PRPF6: variants seen among roughly 807,000 people sequenced by gnomAD.
PRPF6 encodes the protein pre-mRNA-processing factor 6.
PRPF6 carries 42 observed loss-of-function variants against 118.3 expected under a neutral mutation model. The observed-to-expected ratio is 0.35, with a 90% CI of 0.28 to 0.46. The LOEUF is 0.46. Among genes scored for constraint, PRPF6 ranks in the 20% least tolerant of loss-of-function variants. PRPF6 has a pLI of 1.00. For synonymous variants in PRPF6, 481 were observed against 485.1 expected (o/e 0.99, Z 0.11); for missense variants, 662 against 1,255.7 (o/e 0.53, Z 7.15).
At chr20:64,007,808 C>G (rs2059197508) in intron 9 of PRPF6, among the ~76,000 whole-genome samples, 1 of 152,022 alleles carries the variant, frequency 6.6e-6, no homozygotes, top group Non-Finnish European at 1.5e-5. Context: ...GTTGGAGTCT[C>G]TCTCTGTCAC....
At chr20:63,983,022 C>T in intron 1 of PRPF6, 25 bp from the exon 2 acceptor site, 1 of 1,612,452 alleles carries the variant, frequency 6.2e-7, no homozygotes, top group East Asian at 2.2e-5. Context: ...ATTCAGACAC[C>T]CGGTGTCTTG....
At chr20:64,002,645 CTTTT>C (rs1231191438) in intron 9 of PRPF6, among the ~76,000 whole-genome samples, 3 of 98,314 alleles carry the variant, frequency 3.1e-5, no homozygotes, top group African/African-American at 7.7e-5. Context: ...CTTTTCTTTT[CTTTT>C]TTTTTTTTTT....
Position 63,995,358 on chromosome 20 carries a change from G to A in PRPF6, c.647G>A (p.Gly216Asp). 1 of 1,613,666 alleles carries A rather than the reference G, an allele frequency of 6.2e-7. No individual in the cohort carries two copies. Among genetic ancestry groups the A allele is most frequent in the Non-Finnish European group, 8.5e-7 (1 of 1,179,832 alleles). The part of the protein sequence containing the change: ...QFGGLNTPYP[G>D]GLNTPYPGGM... Reference sequence around the variant, plus strand: ...GGAGGTCTTAACACACCCTATCCAGGTGGACTAAACACTCCATACCCAGGT... The same window carrying A: ...GGAGGTCTTAACACACCCTATCCAGATGGACTAAACACTCCATACCCAGGT... Residue 216 changes from glycine to aspartate, a missense_variant, in exon 6 of 21, where the codon GGT (glycine) becomes GAT (aspartate). By Grantham distance (94) the Gly-to-Asp change is moderately conservative. This residue lies in a region of PRPF6 where 97 missense variants were observed against 122.6 expected (regional missense o/e 0.79). Transcript: ENST00000266079.
chr20:64,006,657 C>T (rs923487566), intron 9 of PRPF6, among the ~76,000 whole-genome samples: 1 of 152,082 alleles, frequency 6.6e-6, no homozygotes, highest in East Asian at 1.9e-4. Flanking sequence ...TCCAAGGAGG[C>T]GGAGACGGGA....
rs773239629 is a variant in PRPF6 at position 64,032,923 on chromosome 20, T to C, written c.2756T>C (p.Ile919Thr). ...CTGTGGTGCGCCGTGTCCAAGGACA[T>C]CGCCAACTGGCAGAAGAAGATCGGG... ...GELWCAVSKD[I>T]ANWQKKIGDI... The change falls in exon 21 of 21, where the codon ATC becomes ACC. Residue 919 changes from isoleucine (I) to threonine (T), a missense_variant. Physicochemically the swap from Ile to Thr is moderately conservative, Grantham distance 89 (BLOSUM62 -1). Coordinates refer to ENST00000266079, the MANE Select transcript of PRPF6 (RefSeq NM_012469.4). 1.9e-5 allele frequency: 31 copies of C among 1,613,292 alleles called. No homozygotes were observed. In the South Asian group the frequency reaches 2.0e-4, roughly 10 times the overall value.
At chr20:64,025,806 G>T in intron 14 of PRPF6, 133 bp from the exon 15 acceptor site, 1 of 1,527,468 alleles carries the variant, frequency 6.5e-7, no homozygotes, top group Non-Finnish European at 9.0e-7. Flanking sequence ...CCCTGGGAAG[G>T]GCTTGGACCA....
At chr20:64,002,831 A>G (rs185878690) in intron 9 of PRPF6, among the ~76,000 whole-genome samples, 3 of 150,586 alleles carry the variant, frequency 2.0e-5, no homozygotes, top group Admixed American at 2.0e-4. Context: ...TTTAGTAGAG[A>G]CGGGGTTTCA....
Position 63,995,554 on chromosome 20 carries a change from C to CCTT in PRPF6, c.771+84_771+86dup, listed in dbSNP as rs147996986. ...TAATTTTGTTTTGTTTTCTTTTTCT[C>CCTT]CTTCTTCTTCTTCTCCTTTTTCTTC... On this transcript the variant is annotated intron_variant, in intron 6 of 20. Coordinates refer to ENST00000266079, the MANE Select transcript of PRPF6 (RefSeq NM_012469.4). 2,142 of 1,556,548 alleles carry CCTT rather than the reference C, an allele frequency of 1.4e-3. 6 individuals are homozygous for CCTT. The highest frequency in any genetic ancestry group is 1.7e-3 in the Admixed American group (100 of 58,772).
intron 9 of PRPF6, among the ~76,000 whole-genome samples, chr20:64,003,839 C>T (rs1348572308): frequency 6.6e-6 from 1 of 152,154 alleles, no homozygotes; most frequent in African/African-American, 2.4e-5. Context: ...ACCTCATGAT[C>T]CACCCGCCTC....
intron 3 of PRPF6, 34 bp downstream of exon 3, chr20:63,985,059 C>G: frequency 6.3e-7 from 1 of 1,587,470 alleles, no homozygotes. Flanking sequence ...CAATATTTAT[C>G]CAAGTTTAAA....
intron 12 of PRPF6, among the ~76,000 whole-genome samples, chr20:64,021,846 TATGCGTGC>T (rs1259915823): frequency 6.7e-6 from 1 of 150,260 alleles, no homozygotes; most frequent in Non-Finnish European, 1.5e-5. Context: ...TGTGCGTGTG[TATGCGTGC>T]ATGTATGCAT....
In PRPF6 at chr20:63,998,637, C is replaced by T. The variant is rs1008293013; in HGVS notation, c.772-408C>T. On this transcript the variant is annotated intron_variant, in intron 6 of 20. Coordinates refer to ENST00000266079, the MANE Select transcript of PRPF6 (RefSeq NM_012469.4). The stretch of plus-strand genomic sequence containing the variant: ...CGGGCGGATCACGAGGTCAGGAGAT[C>T]GAGACCATCCTGGCTAACACGGTGA... Among the ~76,000 whole-genome samples the T allele has an allele frequency of 4.0e-4, 60 of 148,412 alleles. 1 individual carries two copies. The highest frequency in any genetic ancestry group is 7.1e-4 in the Non-Finnish European group (48 of 67,286).
rs1480847074 is a variant in PRPF6 at position 63,999,593 on chromosome 20, C to T, written c.867-10C>T. On this transcript the variant is annotated splice_polypyrimidine_tract_variant and intron_variant, in intron 7 of 20. Coordinates refer to ENST00000266079, the MANE Select transcript of PRPF6 (RefSeq NM_012469.4). ...ATGGCCTGATGCCGTGTGCACTCTCCCTCTCATAGTGATATCAAGAAGGCG... is the reference window on the plus strand; with the variant it reads ...ATGGCCTGATGCCGTGTGCACTCTCTCTCTCATAGTGATATCAAGAAGGCG... 2 of 1,613,946 alleles carry T rather than the reference C, an allele frequency of 1.2e-6. No individual in the cohort carries two copies. The highest frequency in any genetic ancestry group is 3.3e-5 in the Admixed American group (2 of 60,020).
intron 11 of PRPF6, among the ~76,000 whole-genome samples, chr20:64,015,932 G>A (rs2059235299): frequency 6.6e-6 from 1 of 152,168 alleles, no homozygotes; most frequent in Non-Finnish European, 1.5e-5. Context: ...TTTAACACCA[G>A]CCTAGGCAAC....
At chr20:63,995,282 T>G (rs529628099) in intron 5 of PRPF6, 45 bp from the exon 6 acceptor site, 2 of 1,583,516 alleles carry the variant, frequency 1.3e-6, no homozygotes, top group Non-Finnish European at 1.7e-6. Flanking sequence ...GGGCATGCAG[T>G]GCAAACCGTT....
At position 64,025,417 on chromosome 20, in the gene PRPF6, C is replaced by T. The variant is rs565763640; in HGVS notation, c.1909-522C>T. On this transcript the variant is annotated intron_variant, in intron 14 of 20. Transcript: ENST00000266079. Reference sequence around the variant, plus strand: ...GGGGAGGCTTTGAGGGCAGAGCCTGCGTGTCCACTGGGCTCTGGGCTGTGT... The same window carrying T: ...GGGGAGGCTTTGAGGGCAGAGCCTGTGTGTCCACTGGGCTCTGGGCTGTGT... Among the ~76,000 whole-genome samples, 10 of 152,346 alleles carry T rather than the reference C, an allele frequency of 6.6e-5. 1 individual carries two copies. The highest frequency in any genetic ancestry group is 4.6e-4 in the Admixed American group (7 of 15,308).
intron 1 of PRPF6, among the ~76,000 whole-genome samples, chr20:63,982,318 C>T (rs1393421675): frequency 2.6e-5 from 4 of 152,092 alleles, no homozygotes; most frequent in African/African-American, 9.7e-5. Flanking sequence ...ATTATAGGTG[C>T]CCGCTACCAC....
At chr20:64,006,316 C>G (rs1457072598) in intron 9 of PRPF6, among the ~76,000 whole-genome samples, 1 of 102,526 alleles carries the variant, frequency 9.8e-6, no homozygotes, top group African/African-American at 3.6e-5. Context: ...GTAGCTTGCT[C>G]TTTTTTTTTT....
At chr20:64,024,833 C>G in intron 14 of PRPF6, 140 bp downstream of exon 14, 3 of 1,302,124 alleles carry the variant, frequency 2.3e-6, no homozygotes, top group Non-Finnish European at 3.2e-6. Context: ...GGCTGCTCCA[C>G]AGGAGCAGGG....
Sources: allele counts gnomAD v4.1 joint callset (sites outside exome capture counted in the v4.1 genomes callset), GRCh38; gene constraint gnomAD v4.1.1; regional missense constraint gnomAD v4.1.1; transcripts MANE v1.5; gene names NCBI Gene and HGNC (gene_info 2026-07-23, HGNC 2026-07-21).